FNIP1: variants seen among roughly 807,000 people sequenced by gnomAD.
The protein encoded by FNIP1 is folliculin interacting protein 1.
In FNIP1, 40 loss-of-function variants were observed where a neutral mutation model predicts 124.5. The ratio of observed to expected loss-of-function variants is 0.32; its 90% confidence interval spans 0.25 to 0.42. The LOEUF (loss-of-function observed/expected upper bound fraction) is 0.42, where lower values mean the gene tolerates loss of function less well. Ranked by LOEUF, FNIP1 falls within the 10% of genes least tolerant of loss-of-function variation. The pLI is 1.00. For missense variants in FNIP1, 1,176 were observed against 1,403.7 expected, an observed-to-expected ratio of 0.84 and a Z score of 2.59; for synonymous variants, 472 against 470.6, an observed-to-expected ratio of 1.00 and a Z score of -0.04.
rs1463368116 is a variant in FNIP1 at position 131,643,840 on chromosome 5, T to C, written c.*845A>G. 6.6e-6 allele frequency: 1 copy of C among 152,526 alleles called. No individual in the cohort carries two copies. Among genetic ancestry groups the C allele is most frequent in the African/African-American group, 2.4e-5 (1 of 41,432 alleles). The allele number at this position is 152,526 out of a possible 1,614,324, so 9.4% of individuals were successfully genotyped here. On this transcript the variant is annotated 3_prime_UTR_variant, in exon 18 of 18. Coordinates refer to ENST00000510461, the MANE Select transcript of FNIP1 (RefSeq NM_133372.3). Reference sequence around the variant, plus strand: ...GTGCAATTTTTAATCCTAATTTTCATTTATGTTAAATTAGTGAATATGTAA... The same window carrying C: ...GTGCAATTTTTAATCCTAATTTTCACTTATGTTAAATTAGTGAATATGTAA...
chr5:131,796,847 G>A lies in FNIP1; in HGVS notation c.75C>T (p.Asp25=), dbSNP rs544013819. The change falls in exon 1 of 18, where the codon GAC becomes GAT. Residue 25 remains aspartate, a synonymous_variant. Transcript: ENST00000510461. The part of the protein sequence containing the change: ...GLGAPGRDAR[D]PDCGFSWPLP... ...CGCCCTACCTGAACCCGCAATCTGGGTCCCGGGCGTCGCGGCCGGGCGCGC... is the reference window on the plus strand; with the variant it reads ...CGCCCTACCTGAACCCGCAATCTGGATCCCGGGCGTCGCGGCCGGGCGCGC... 1.9e-6 allele frequency: 3 copies of A among 1,598,718 alleles called. No homozygotes were observed. Among genetic ancestry groups the A allele is most frequent in the East Asian group, 4.5e-5 (2 of 44,276 alleles).
At chr5:131,695,672 T>C (rs1768669387) in intron 11 of FNIP1, among the ~76,000 whole-genome samples, 1 of 152,126 alleles carries the variant, frequency 6.6e-6, no homozygotes, top group Non-Finnish European at 1.5e-5. Context: ...AATTATACAA[T>C]ATATGGGTTA....
chr5:131,643,654 G>A lies in FNIP1; in HGVS notation c.*1031C>T, dbSNP rs1295313621. 6.6e-6 allele frequency: 1 copy of A among 152,644 alleles called. No individual in the cohort carries two copies. Among genetic ancestry groups the A allele is most frequent in the Non-Finnish European group, 1.5e-5 (1 of 67,996 alleles). 9.5% of individuals were successfully genotyped at this position (152,644 alleles called of 1,614,324 possible). The stretch of plus-strand genomic sequence containing the variant: ...GAAGGGAGGGACTCTTAGAAAAAAA[G>A]AGAATAATTTTAAGAGTTATGAATA... On this transcript the variant is annotated 3_prime_UTR_variant, in exon 18 of 18. Transcript: ENST00000510461.
chr5:131,654,836 A>C (rs1045009071), intron 15 of FNIP1, among the ~76,000 whole-genome samples: 12 of 152,250 alleles, frequency 7.9e-5, no homozygotes, highest in African/African-American at 2.9e-4. Context: ...AGAAATAAGA[A>C]GAGAATGGCA....
At chr5:131,781,363 A>G (rs980116686) in intron 1 of FNIP1, among the ~76,000 whole-genome samples, 14 of 152,354 alleles carry the variant, frequency 9.2e-5, no homozygotes, top group Admixed American at 5.2e-4. Context: ...CAGCCTATTT[A>G]TTATCAGAAG....
At chr5:131,676,314 T>C (rs111620543) in intron 13 of FNIP1, among the ~76,000 whole-genome samples, 12,484 of 151,990 alleles carry the variant, frequency 0.082, 1,084 homozygotes, top group African/African-American at 0.22. Context: ...CACCCAGCCA[T>C]TGTTTTGTAT....
chr5:131,679,571 C>A, intron 11 of FNIP1, among the ~76,000 whole-genome samples: 1 of 152,168 alleles, frequency 6.6e-6, no homozygotes, highest in Non-Finnish European at 1.5e-5. Context: ...AGAAAATATT[C>A]TAAATGAGGT....
At chr5:131,679,335 C>G (rs572285330) in intron 11 of FNIP1, among the ~76,000 whole-genome samples, 160 bp from the exon 12 acceptor site, 2 of 152,162 alleles carry the variant, frequency 1.3e-5, no homozygotes, top group Non-Finnish European at 2.9e-5. Flanking sequence ...GTCAACAACA[C>G]AGTACCATGG....
intron 1 of FNIP1, among the ~76,000 whole-genome samples, chr5:131,756,007 T>C (rs1326444700): frequency 6.8e-6 from 1 of 148,144 alleles, no homozygotes; most frequent in African/African-American, 2.5e-5. Flanking sequence ...AGAGAGACTG[T>C]GTCAAAAAAA....
chr5:131,681,477 C>T (rs1173873558), intron 11 of FNIP1, among the ~76,000 whole-genome samples: 1 of 151,928 alleles, frequency 6.6e-6, no homozygotes, highest in Non-Finnish European at 1.5e-5. Context: ...AAGACAAGAA[C>T]AGAAACACAC....
At position 131,796,783 on chromosome 5, in the gene FNIP1, G is replaced by A. The variant is rs1029878301; in HGVS notation, c.92+47C>T. On this transcript the variant is annotated intron_variant, in intron 1 of 17. Transcript: ENST00000510461. ...GGCCCCAACACCCCTGGAGCCCGGA[G>A]CCCACAAGGCCATCGGCTCCGCGAC... 7 of 1,523,214 alleles carry A rather than the reference G, an allele frequency of 4.6e-6. No homozygotes were observed. The Admixed American group carries it at 1.4e-4, about 30-fold the overall frequency. 94.4% of individuals were successfully genotyped at this position (1,523,214 alleles called of 1,614,324 possible). A position where few individuals can be genotyped will look rare whatever the true frequency, so the allele number is the denominator to read the frequency against.
In FNIP1 at chr5:131,677,707, T is replaced by C. The variant is rs555191029; in HGVS notation, c.1515A>G (p.Gln505=). ...AACAGTTGTCAGATTACATACCCAG[T>C]TGTGCCCAAAGTGGGTTATATGGAT... is the stretch of plus-strand genomic sequence containing the variant. ...KTHPYNPLWA[Q]LGDLYGAIGS... Residue 505 remains glutamine (Q), a synonymous_variant, in exon 13 of 18, where the codon CAA becomes CAG. Transcript: ENST00000510461. 5.0e-6 allele frequency: 8 copies of C among 1,613,398 alleles called. No individual in the cohort carries two copies. The South Asian group carries it at 5.5e-5, about 11-fold the overall frequency.
At chr5:131,770,535 A>G (rs1318661194) in intron 1 of FNIP1, among the ~76,000 whole-genome samples, 1 of 152,214 alleles carries the variant, frequency 6.6e-6, no homozygotes, top group Non-Finnish European at 1.5e-5. Context: ...TCTATAAGGT[A>G]ACAGACAATA....
intron 3 of FNIP1, among the ~76,000 whole-genome samples, chr5:131,729,835 T>TC (rs1770017299): frequency 6.6e-6 from 1 of 152,068 alleles, no homozygotes; most frequent in Non-Finnish European, 1.5e-5. Context: ...AACATCCGCC[T>TC]CCCAGGTTCA....
chr5:131,698,226 G>A (rs1226220697), intron 11 of FNIP1, among the ~76,000 whole-genome samples: 2 of 152,164 alleles, frequency 1.3e-5, no homozygotes, highest in African/African-American at 4.8e-5. Flanking sequence ...ACAGATTCTA[G>A]AGTCTTAGTT....
At chr5:131,726,608 A>G (rs780733186) in intron 3 of FNIP1, among the ~76,000 whole-genome samples, 5 of 152,168 alleles carry the variant, frequency 3.3e-5, no homozygotes, top group Non-Finnish European at 7.3e-5. Context: ...CTTTTCAAAA[A>G]ACCAGCTCCT....
chr5:131,782,017 C>T (rs143022661), intron 1 of FNIP1, among the ~76,000 whole-genome samples: 402 of 151,978 alleles, frequency 2.6e-3, no homozygotes, highest in African/African-American at 8.9e-3. Flanking sequence ...AGCCAGGCAT[C>T]GTGGCAAACA....
At chr5:131,734,292 A>AT (rs1290138446) in intron 2 of FNIP1, among the ~76,000 whole-genome samples, 5 of 151,972 alleles carry the variant, frequency 3.3e-5, no homozygotes, top group South Asian at 2.1e-4. Context: ...GGATTCATGG[A>AT]TTTTTTGAAG....
chr5:131,732,566 G>C (rs1225206922), intron 2 of FNIP1, among the ~76,000 whole-genome samples: 1 of 152,152 alleles, frequency 6.6e-6, no homozygotes, highest in Non-Finnish European at 1.5e-5. Context: ...AGTTTTCCCA[G>C]CACCATTTGT....
Sources: allele counts gnomAD v4.1 joint callset (sites outside exome capture counted in the v4.1 genomes callset), GRCh38; gene constraint gnomAD v4.1.1; transcripts MANE v1.5; gene names NCBI Gene and HGNC (gene_info 2026-07-23, HGNC 2026-07-21).